The following GCLC variants were observed in gnomAD, a reference collection of about 807,000 sequenced individuals.
GCLC encodes glutamate--cysteine ligase catalytic subunit.
GCLC carries 30 observed loss-of-function variants against 81.5 expected under a neutral mutation model. That is an observed-to-expected ratio of 0.37 (90% CI 0.28 to 0.50). The LOEUF (loss-of-function observed/expected upper bound fraction) is 0.50. Among genes scored for constraint, GCLC ranks in the 20% least tolerant of loss-of-function variants. The pLI is 0.96. For missense variants in GCLC, 556 were observed against 777.4 expected, an observed-to-expected ratio of 0.72 and a Z score of 3.39; for synonymous variants, 262 against 273.3, an observed-to-expected ratio of 0.96 and a Z score of 0.41.
chr6:53,541,897 T>C (rs1763362618), intron 1 of GCLC, among the ~76,000 whole-genome samples: 1 of 152,108 alleles, frequency 6.6e-6, no homozygotes, highest in Non-Finnish European at 1.5e-5. Context: ...GGGGCTAGGG[T>C]CTCACTGTCA....
At chr6:53,515,088 G>A (rs1764841242) in intron 4 of GCLC, among the ~76,000 whole-genome samples, 2 of 152,170 alleles carry the variant, frequency 1.3e-5, no homozygotes, top group South Asian at 2.1e-4. Flanking sequence ...CAAAAAAAAT[G>A]TAAAATTACT....
Position 53,507,230 on chromosome 6 carries a change from C to T in GCLC, c.1085-205G>A, listed in dbSNP as rs540646010. On this transcript the variant is annotated intron_variant, in intron 9 of 15. Coordinates refer to ENST00000650454, the MANE Select transcript of GCLC (RefSeq NM_001498.4). Reference sequence around the variant, plus strand: ...GTGTCAGCGTTTTATTCACTACTTACACAATGCCTGCTGGGGCACTGGTGT... The same window carrying T: ...GTGTCAGCGTTTTATTCACTACTTATACAATGCCTGCTGGGGCACTGGTGT... Among the ~76,000 whole-genome samples, 7 of 152,334 alleles carry T rather than the reference C, an allele frequency of 4.6e-5. No individual in the cohort carries two copies. The East Asian group carries it at 7.7e-4, about 17-fold the overall frequency.
At chr6:53,534,282 A>C (rs1318922734) in intron 1 of GCLC, among the ~76,000 whole-genome samples, 2 of 152,202 alleles carry the variant, frequency 1.3e-5, no homozygotes, top group Non-Finnish European at 2.9e-5. Context: ...GAGCAAAGAA[A>C]ATCCTGACCT....
intron 9 of GCLC, 43 bp downstream of exon 9, chr6:53,507,437 A>C (rs2127620918): frequency 6.2e-7 from 1 of 1,604,824 alleles, no homozygotes; most frequent in Non-Finnish European, 8.5e-7. Context: ...TTGAAGAACT[A>C]AAGGCGTACA....
chr6:53,526,498 T>C (rs924303472), intron 1 of GCLC, among the ~76,000 whole-genome samples: 3 of 152,130 alleles, frequency 2.0e-5, no homozygotes, highest in Non-Finnish European at 4.4e-5. Flanking sequence ...TCAGGGAGCT[T>C]AGAATTTGAG....
rs188512835 is a variant in GCLC at position 53,537,504 on chromosome 6, C to T, written c.150+6992G>A. ...GTGTCAATGCGTTTTTGAAGCGCAA[C>T]TTAGAAATACGATCTAAACAGCTTG... On this transcript the variant is annotated intron_variant, in intron 1 of 15. Transcript: ENST00000650454. Among the ~76,000 whole-genome samples, 23 of 152,222 alleles carry T rather than the reference C, an allele frequency of 1.5e-4. No homozygotes were observed. The East Asian group carries it at 4.1e-3, about 27-fold the overall frequency.
At chr6:53,518,613 T>A (rs1336035052) in intron 3 of GCLC, among the ~76,000 whole-genome samples, 1 of 152,172 alleles carries the variant, frequency 6.6e-6, no homozygotes, top group Admixed American at 6.5e-5. Context: ...AAAGGGCACA[T>A]TAGGCTTAAC....
At chr6:53,512,052 G>T (rs191936219) in intron 6 of GCLC, among the ~76,000 whole-genome samples, 5 of 150,982 alleles carry the variant, frequency 3.3e-5, no homozygotes, top group Admixed American at 2.6e-4. Flanking sequence ...AGGTTCAAGC[G>T]TTTCTCATGC....
In GCLC at chr6:53,544,549, T is replaced by C. The variant is rs1372641041; in HGVS notation, c.97A>G (p.Ile33Val). The part of the protein sequence containing the change: ...RRHGILQFLH[I>V]YHAVKDRHKD... The stretch of plus-strand genomic sequence containing the variant: ...TGCCGGTCCTTGACGGCGTGGTAGA[T>C]GTGCAGGAACTGGAGGATCCCGTGC... Residue 33 changes from isoleucine (I) to valine (V), a missense_variant, in exon 1 of 16, where the codon ATC becomes GTC. Ile to Val is a conservative substitution (Grantham distance 29). Around this residue, in one of 3 missense-constraint regions of GCLC, gnomAD observed 234 missense variants for 303.8 expected, o/e 0.77. Transcript: ENST00000650454. 1 of 1,608,796 alleles carries C rather than the reference T, an allele frequency of 6.2e-7. No individual in the cohort carries two copies. The highest frequency in any genetic ancestry group is 2.2e-5 in the East Asian group (1 of 44,834).
Position 53,505,320 on chromosome 6 carries a change from T to C in GCLC, c.1395+72A>G, listed in dbSNP as rs540017133. 1.1e-4 allele frequency: 81 copies of C among 744,752 alleles called. No homozygotes were observed. The South Asian group carries it at 1.2e-3, about 11-fold the overall frequency. 46.1% of individuals were successfully genotyped at this position (744,752 alleles called of 1,614,324 possible). On this transcript the variant is annotated intron_variant, in intron 12 of 15. Coordinates refer to ENST00000650454, the MANE Select transcript of GCLC (RefSeq NM_001498.4). ...ATTTCAAATGAAATTAGGTGGGAAA[T>C]AAATAGCATATATAAATAAATATAT...
intron 1 of GCLC, among the ~76,000 whole-genome samples, chr6:53,526,569 C>T (rs1024995845): frequency 2.0e-5 from 3 of 151,956 alleles, no homozygotes; most frequent in Non-Finnish European, 4.4e-5. Flanking sequence ...GAGGCCGAGG[C>T]GGGCGGATCA....
At chr6:53,514,820 A>G (rs150786257) in intron 4 of GCLC, among the ~76,000 whole-genome samples, 40 of 152,322 alleles carry the variant, frequency 2.6e-4, no homozygotes, top group African/African-American at 9.4e-4. Context: ...ACTGTTTGCA[A>G]CATGTCCCAA....
At chr6:53,534,889 C>A (rs956799769) in intron 1 of GCLC, among the ~76,000 whole-genome samples, 2 of 152,134 alleles carry the variant, frequency 1.3e-5, no homozygotes, top group Non-Finnish European at 2.9e-5. Context: ...TTTTCCCAAA[C>A]TGATCTACAG....
chr6:53,501,316 T>C (rs933826471), intron 12 of GCLC: 2 of 152,728 alleles, frequency 1.3e-5, no homozygotes, highest in Admixed American at 6.5e-5. Context: ...AGACAGTTCA[T>C]AGGTTGTCAT....
intron 12 of GCLC, 157 bp downstream of exon 12, chr6:53,505,235 G>C (rs1169795816): frequency 1.6e-6 from 1 of 631,004 alleles, no homozygotes; most frequent in Non-Finnish European, 2.8e-6. Flanking sequence ...TTAAGCTTAG[G>C]TTTAAAAGAA....
chr6:53,539,698 C>A (rs1299935811), intron 1 of GCLC, among the ~76,000 whole-genome samples: 1 of 152,172 alleles, frequency 6.6e-6, no homozygotes, highest in Non-Finnish European at 1.5e-5. Context: ...TAAAGCCCAA[C>A]ATATCACATC....
chr6:53,500,566 C>T, intron 12 of GCLC, 53 bp from the exon 13 acceptor site: 1 of 1,245,150 alleles, frequency 8.0e-7, no homozygotes, highest in Non-Finnish European at 1.2e-6. Flanking sequence ...ATCAGACATA[C>T]AAGTTGCAGC....
chr6:53,538,611 G>C (rs1219227634), intron 1 of GCLC, among the ~76,000 whole-genome samples: 1 of 152,188 alleles, frequency 6.6e-6, no homozygotes, highest in Non-Finnish European at 1.5e-5. Flanking sequence ...TTTCTAAATA[G>C]TCACTTCAGC....
At chr6:53,531,010 T>G (rs1763163361) in intron 1 of GCLC, among the ~76,000 whole-genome samples, 2 of 152,292 alleles carry the variant, frequency 1.3e-5, no homozygotes, top group East Asian at 3.9e-4. Context: ...AGTTTGAATC[T>G]TGGTAACTTC....
Sources: allele counts gnomAD v4.1 joint callset (sites outside exome capture counted in the v4.1 genomes callset), GRCh38; gene constraint gnomAD v4.1.1; regional missense constraint gnomAD v4.1.1; transcripts MANE v1.5; gene names NCBI Gene and HGNC (gene_info 2026-07-23, HGNC 2026-07-21).